MTCL1: variants seen among roughly 807,000 people sequenced by gnomAD.
MTCL1 encodes the protein microtubule crosslinking factor 1.
A neutral mutation model predicts 141.4 loss-of-function variants in MTCL1; 79 were observed. That is an observed-to-expected ratio of 0.56 (90% CI 0.47 to 0.67). MTCL1 has a LOEUF of 0.67. Ranked by LOEUF, MTCL1 falls within the 30% of genes least tolerant of loss-of-function variation. The pLI is 0.00. For missense variants in MTCL1, 2,177 were observed against 2,113.9 expected, an observed-to-expected ratio of 1.03 and a Z score of -0.59; for synonymous variants, 914 against 875.8, an observed-to-expected ratio of 1.04 and a Z score of -0.77.
At chr18:8,720,708 A>G (rs909271560) in intron 4 of MTCL1, among the ~76,000 whole-genome samples, 5 of 152,240 alleles carry the variant, frequency 3.3e-5, no homozygotes, top group African/African-American at 1.2e-4. Context: ...AAAGCCCCCA[A>G]AAGCAAAGAA....
intron 5 of MTCL1, among the ~76,000 whole-genome samples, chr18:8,781,921 C>T (rs1047512803): frequency 6.6e-6 from 1 of 152,218 alleles, no homozygotes; most frequent in Non-Finnish European, 1.5e-5. Flanking sequence ...CCAGGGCAAG[C>T]TTTCCCTGTG....
At chr18:8,714,484 T>C (rs2148779915), upstream of MTCL1, among the ~76,000 whole-genome samples, 1 of 152,092 alleles carries the variant, frequency 6.6e-6, no homozygotes, top group East Asian at 1.9e-4. Flanking sequence ...GAAAAAAGGG[T>C]TTAATGGACT....
chr18:8,772,048 G>A (rs983896113), intron 4 of MTCL1, among the ~76,000 whole-genome samples: 2 of 152,222 alleles, frequency 1.3e-5, no homozygotes, highest in East Asian at 1.9e-4. Flanking sequence ...CATCTAGCAC[G>A]CTACACTGGA....
intron 4 of MTCL1, among the ~76,000 whole-genome samples, chr18:8,740,832 G>A (rs1005354565): frequency 6.6e-6 from 1 of 152,108 alleles, no homozygotes; most frequent in African/African-American, 2.4e-5. Context: ...TGGGACTCTA[G>A]GCTTCCTGAG....
chr18:8,783,449 G>A (rs1326146677), intron 5 of MTCL1, 81 bp from the exon 5 acceptor site: 46 of 1,274,770 alleles, frequency 3.6e-5, no homozygotes, highest in Non-Finnish European at 4.7e-5. Context: ...CATTGGGGGC[G>A]AGGTGTGAGG....
At chr18:8,782,777 C>T (rs1230132722) in intron 5 of MTCL1, 2 of 152,258 alleles carry the variant, frequency 1.3e-5, no homozygotes, top group African/African-American at 4.8e-5. Flanking sequence ...GCTCAGGTGT[C>T]TGGGTCTGCA....
At chr18:8,729,885 C>G (rs752332411) in intron 4 of MTCL1, among the ~76,000 whole-genome samples, 2 of 151,938 alleles carry the variant, frequency 1.3e-5, no homozygotes, top group African/African-American at 2.4e-5. Context: ...AACCCTACAT[C>G]CTGAATATTT....
chr18:8,778,266 A>C (rs2096519509), intron 5 of MTCL1, among the ~76,000 whole-genome samples: 1 of 152,252 alleles, frequency 6.6e-6, no homozygotes, highest in Non-Finnish European at 1.5e-5. Context: ...CATTCATAAG[A>C]CATTGTTTTG....
chr18:8,786,415 A>C (rs2143635920), intron 7 of MTCL1: 1 of 553,448 alleles, frequency 1.8e-6, no homozygotes, highest in South Asian at 1.6e-5. Flanking sequence ...CCAGTCGCAG[A>C]GAAAGAAGGG....
At chr18:8,764,255 T>G (rs2149016275) in intron 4 of MTCL1, among the ~76,000 whole-genome samples, 1 of 152,258 alleles carries the variant, frequency 6.6e-6, no homozygotes, top group South Asian at 2.1e-4. Context: ...GGTTATCACT[T>G]GTTAAGCAAA....
chr18:8,810,395 A>C lies in MTCL1; in HGVS notation c.2605-2584A>C, dbSNP rs142501167. On this transcript the variant is annotated intron_variant, in intron 11 of 16. Coordinates refer to ENST00000359865, the Ensembl canonical transcript of MTCL1. The surrounding 1 kb of genome is among the most constrained non-coding windows in gnomAD (Gnocchi z 5.0). Reference sequence around the variant, plus strand: ...TAGGCAGGGGGATTGGGCTCTAAGCATTGAGGGGAGGGGTGACCCTGACCA... The same window carrying C: ...TAGGCAGGGGGATTGGGCTCTAAGCCTTGAGGGGAGGGGTGACCCTGACCA... Among the ~76,000 whole-genome samples, 87 of 152,190 alleles carry C rather than the reference A, an allele frequency of 5.7e-4. No homozygotes were observed. Among genetic ancestry groups the C allele is most frequent in the Middle Eastern group, 3.4e-3 (1 of 294 alleles).
upstream of MTCL1, among the ~76,000 whole-genome samples, chr18:8,713,597 G>A: frequency 6.6e-6 from 1 of 152,146 alleles, no homozygotes; most frequent in Admixed American, 6.5e-5. Flanking sequence ...CTTTTCAGAT[G>A]GCTGCTGCCA....
At chr18:8,792,861 C>A in intron 7 of MTCL1, 137 bp from the exon 7 acceptor site, 3 of 1,219,200 alleles carry the variant, frequency 2.5e-6, no homozygotes, top group Admixed American at 2.2e-5. Flanking sequence ...CTGCCACAGT[C>A]ACTCCACTGC....
chr18:8,728,775 G>C (rs1329354757), intron 4 of MTCL1, among the ~76,000 whole-genome samples: 1 of 43,774 alleles, frequency 2.3e-5, no homozygotes, highest in Admixed American at 4.1e-4. Context: ...CTGTCGCCCA[G>C]GCTGGAGTGC....
chr18:8,798,872 ACTG>A (rs1413227299), intron 10 of MTCL1, among the ~76,000 whole-genome samples: 1 of 152,198 alleles, frequency 6.6e-6, no homozygotes, highest in African/African-American at 2.4e-5. Context: ...TAACATCCAA[ACTG>A]CTTGCATTTT....
At chr18:8,800,079 C>G (rs1313892536) in intron 10 of MTCL1, among the ~76,000 whole-genome samples, 2 of 152,216 alleles carry the variant, frequency 1.3e-5, no homozygotes, top group Admixed American at 1.3e-4. Flanking sequence ...ATGCACAACC[C>G]TCTGTCTGTC....
At chr18:8,811,311 G>A (rs1241307105) in intron 11 of MTCL1, 3 of 152,212 alleles carry the variant, frequency 2.0e-5, no homozygotes, top group Non-Finnish European at 4.4e-5. Flanking sequence ...AAATAATAGA[G>A]GGAGAGGTTA....
rs1311573878 is a variant in MTCL1 at position 8,831,425 on chromosome 18, G to C, written c.*19-182G>C. ...TTCCCATTCATGTCACTGATCATTTGTGTTGAATTCTTTATTATTTTAAGT... is the reference window on the plus strand; with the variant it reads ...TTCCCATTCATGTCACTGATCATTTCTGTTGAATTCTTTATTATTTTAAGT... On this transcript the variant is annotated intron_variant, in intron 16 of 16. Transcript: ENST00000359865. 4 of 1,421,264 alleles carry C rather than the reference G, an allele frequency of 2.8e-6. No homozygotes were observed. The African/African-American group carries it at 5.8e-5, about 20-fold the overall frequency. 88.0% of individuals were successfully genotyped at this position (1,421,264 alleles called of 1,614,324 possible). A position where few individuals can be genotyped will look rare whatever the true frequency, so the allele number is the denominator to read the frequency against.
chr18:8,786,364 C>G (rs1394076167), intron 7 of MTCL1: 3 of 665,950 alleles, frequency 4.5e-6, no homozygotes, highest in African/African-American at 1.8e-5. Context: ...CCGGGAGCAC[C>G]TGGAAGTAGG....
Sources: allele counts gnomAD v4.1 joint callset (sites outside exome capture counted in the v4.1 genomes callset), GRCh38; gene constraint gnomAD v4.1.1; non-coding constraint Gnocchi (gnomAD v3.1); transcripts MANE v1.5; gene names NCBI Gene and HGNC (gene_info 2026-07-23, HGNC 2026-07-21).